The following PHLDB2 variants were observed in gnomAD, a reference collection of about 807,000 sequenced individuals.
PHLDB2 encodes pleckstrin homology like domain family B member 2.
In PHLDB2, 71 loss-of-function variants were observed where a neutral mutation model predicts 123.6. The observed-to-expected ratio is 0.57, with a 90% CI of 0.47 to 0.70. The LOEUF (loss-of-function observed/expected upper bound fraction) is 0.70. PHLDB2 is among the 30% of genes least tolerant of loss of function. PHLDB2 has a pLI of 0.00. For missense variants in PHLDB2, 1,446 were observed against 1,519.5 expected, an observed-to-expected ratio of 0.95 and a Z score of 0.80; for synonymous variants, 547 against 541.6, an observed-to-expected ratio of 1.01 and a Z score of -0.14.
At chr3:111,936,524 A>G (rs1444365370) in intron 6 of PHLDB2, among the ~76,000 whole-genome samples, 1 of 152,190 alleles carries the variant, frequency 6.6e-6, no homozygotes, top group African/African-American at 2.4e-5. Flanking sequence ...TGGTTTAGAT[A>G]ACTTGATCAG....
intron 1 of PHLDB2, among the ~76,000 whole-genome samples, chr3:111,768,105 G>A (rs182552502): frequency 1.3e-5 from 2 of 152,152 alleles, no homozygotes; most frequent in Non-Finnish European, 2.9e-5. Flanking sequence ...AAATAGGGGA[G>A]TTTCCCCTAT....
rs975665569 is a variant in PHLDB2 at position 111,846,848 on chromosome 3, A to T, written c.67+913A>T. ...TGTAGGGAGTGTTTATCTCGAGCAG[A>T]CATGGAAAATAAAACAGAAACATTG... On this transcript the variant is annotated intron_variant, in intron 2 of 17. Transcript: ENST00000393923. Among the ~76,000 whole-genome samples, 5 of 152,182 alleles carry T rather than the reference A, an allele frequency of 3.3e-5. No homozygotes were observed. In the South Asian group the frequency reaches 1.0e-3, roughly 32 times the overall value.
At chr3:111,860,498 TAAC>T (rs2064776400) in intron 1 of PHLDB2, among the ~76,000 whole-genome samples, 1 of 152,206 alleles carries the variant, frequency 6.6e-6, no homozygotes, top group Admixed American at 6.5e-5. Flanking sequence ...GTTCGCTTAA[TAAC>T]TTAGCCCTAG....
Position 111,847,550 on chromosome 3 carries a change from A to T in PHLDB2, c.67+1615A>T, listed in dbSNP as rs185430194. ...TTTAAGTACTGAATATTACTCAGCA[A>T]CTGCCCTATACCCCATCCCCTCTCA... is the stretch of plus-strand genomic sequence containing the variant. On this transcript the variant is annotated intron_variant, in intron 2 of 17. Transcript: ENST00000393923. Among the ~76,000 whole-genome samples the T allele has an allele frequency of 3.4e-4, 52 of 152,282 alleles. No homozygotes were observed. In the South Asian group the frequency reaches 4.8e-3, roughly 14 times the overall value.
chr3:111,848,083 G>A (rs906925963), intron 2 of PHLDB2, among the ~76,000 whole-genome samples: 5 of 152,052 alleles, frequency 3.3e-5, no homozygotes, highest in African/African-American at 1.2e-4. Flanking sequence ...GGCAGTATGC[G>A]ACCCTCACCT....
chr3:111,968,921 A>C (rs2071987628), intron 15 of PHLDB2, among the ~76,000 whole-genome samples: 1 of 152,132 alleles, frequency 6.6e-6, no homozygotes, highest in African/African-American at 2.4e-5. Flanking sequence ...TAATTAGGTC[A>C]TTTCCCCGAG....
At chr3:111,751,172 T>G (rs1179284451) in intron 1 of PHLDB2, among the ~76,000 whole-genome samples, 10 of 93,844 alleles carry the variant, frequency 1.1e-4, no homozygotes, top group African/African-American at 4.0e-4. Flanking sequence ...CAATGGGGTG[T>G]GTGTGTGTGT....
intron 12 of PHLDB2, among the ~76,000 whole-genome samples, chr3:111,961,255 C>T (rs1314890853): frequency 6.6e-6 from 1 of 152,166 alleles, no homozygotes; most frequent in Non-Finnish European, 1.5e-5. Flanking sequence ...TGCTTGAACC[C>T]AGGAGGTGGA....
At chr3:111,856,930 T>C (rs1394195692), upstream of PHLDB2, among the ~76,000 whole-genome samples, 1 of 152,190 alleles carries the variant, frequency 6.6e-6, no homozygotes, top group Non-Finnish European at 1.5e-5. Flanking sequence ...TTAAGTAGTA[T>C]GGAAAACACA....
Position 111,974,790 on chromosome 3 carries a change from A to G in PHLDB2, c.*227A>G. ...TAATTGAAGCTTCCATGAGAAAGAAAACACTATTTTGATAAATTGGATCAC... is the reference window on the plus strand; with the variant it reads ...TAATTGAAGCTTCCATGAGAAAGAAGACACTATTTTGATAAATTGGATCAC... On this transcript the variant is annotated 3_prime_UTR_variant, in exon 18 of 18. Transcript: ENST00000431670. The G allele has an allele frequency of 2.8e-6, 1 of 354,410 alleles. No homozygotes were observed. The highest frequency in any genetic ancestry group is 5.0e-6 in the Non-Finnish European group (1 of 201,766). The allele number at this position is 354,410 out of a possible 1,614,324, so 22.0% of individuals were successfully genotyped here.
At chr3:111,858,890 C>T (rs2064642110), upstream of PHLDB2, among the ~76,000 whole-genome samples, 1 of 152,198 alleles carries the variant, frequency 6.6e-6, no homozygotes, top group Admixed American at 6.5e-5. Flanking sequence ...CACCCTCGGT[C>T]TCATTCGTTG....
At chr3:111,843,115 G>A (rs1036726903) in intron 1 of PHLDB2, among the ~76,000 whole-genome samples, 2 of 152,116 alleles carry the variant, frequency 1.3e-5, no homozygotes, top group Admixed American at 6.5e-5. Context: ...GGGTATATAC[G>A]TAGGAGTGGA....
At chr3:111,891,205 C>T (rs1426013883) in intron 2 of PHLDB2, among the ~76,000 whole-genome samples, 1 of 152,188 alleles carries the variant, frequency 6.6e-6, no homozygotes, top group Admixed American at 6.5e-5. Context: ...TCACCAACCC[C>T]TGGGCCATGG....
chr3:111,929,910 ATTT>A (rs34482002), intron 5 of PHLDB2, among the ~76,000 whole-genome samples: 25 of 123,040 alleles, frequency 2.0e-4, no homozygotes, highest in Admixed American at 3.5e-4. Flanking sequence ...TAAATATAAG[ATTT>A]TTTTTTTTTT....
chr3:111,918,378 T>G (rs988855340), intron 3 of PHLDB2, among the ~76,000 whole-genome samples: 2 of 152,232 alleles, frequency 1.3e-5, no homozygotes, highest in Non-Finnish European at 2.9e-5. Flanking sequence ...TCTTAGATGC[T>G]ATATAGCAAG....
chr3:111,846,316 A>G lies in PHLDB2; in HGVS notation c.67+381A>G, dbSNP rs192975552. 5.9e-4 allele frequency: 110 copies of G among 185,972 alleles called. 1 individual carries two copies. In the East Asian group the frequency reaches 0.012, roughly 20 times the overall value. The allele number at this position is 185,972 out of a possible 1,614,324, so 11.5% of individuals were successfully genotyped here. A position where few individuals can be genotyped will look rare whatever the true frequency, so the allele number is the denominator to read the frequency against. ...CCTTTAGACTCCAGCAGAGTAGCTG[A>G]TATTGACATATCTGAGGAGGGAGGA... is the stretch of plus-strand genomic sequence containing the variant. On this transcript the variant is annotated intron_variant, in intron 2 of 17. Coordinates refer to the PHLDB2 transcript ENST00000393923.
intron 6 of PHLDB2, among the ~76,000 whole-genome samples, chr3:111,933,049 G>T (rs781423733): frequency 6.6e-6 from 1 of 152,186 alleles, no homozygotes; most frequent in African/African-American, 2.4e-5. Context: ...GGTTGGCAGC[G>T]TTTAACACAA....
At chr3:111,963,208 C>G (rs1283267759) in intron 13 of PHLDB2, among the ~76,000 whole-genome samples, 1 of 152,128 alleles carries the variant, frequency 6.6e-6, no homozygotes, top group Non-Finnish European at 1.5e-5. Flanking sequence ...ACCTGGCACT[C>G]TAGGTCCAGC....
chr3:111,956,495 G>A (rs1338069375), intron 12 of PHLDB2, among the ~76,000 whole-genome samples: 1 of 152,168 alleles, frequency 6.6e-6, no homozygotes, highest in African/African-American at 2.4e-5. Flanking sequence ...TAGTGCTCTT[G>A]TTCTTTATTG....
Sources: gnomAD v4.1 joint callset for allele counts (sites outside exome capture counted in the v4.1 genomes callset) on GRCh38, gnomAD v4.1.1 for gene constraint, MANE v1.5 for transcripts, NCBI Gene and HGNC (gene_info 2026-07-23, HGNC 2026-07-21) for gene names.